Variants in IGF1 observed in about 807,000 individuals in gnomAD.
IGF1 encodes the protein insulin like growth factor 1.
Under a neutral mutation model 13.8 loss-of-function variants are expected in IGF1, and 4 were observed. That is an observed-to-expected ratio of 0.29 (90% CI 0.14 to 0.66). The LOEUF is 0.66. Among genes scored for constraint, IGF1 ranks in the 30% least tolerant of loss-of-function variants. The probability of loss-of-function intolerance (pLI) is 0.78; values close to 1 mark genes in which losing one functional copy is unlikely to be tolerated. For synonymous variants in IGF1, 76 were observed against 72.6 expected (o/e 1.05, Z -0.23); for missense variants, 124 against 188.5 (o/e 0.66, Z 2.00).
At chr12:102,480,572 A>G, upstream of IGF1, 2 of 1,436,764 alleles carry the variant, frequency 1.4e-6, no homozygotes, top group Non-Finnish European at 1.8e-6. Context: ...AGAGGGATTT[A>G]GAGAAAATCC....
intron 2 of IGF1, among the ~76,000 whole-genome samples, chr12:102,449,858 G>T (rs1213964529): frequency 6.6e-6 from 1 of 151,928 alleles, no homozygotes; most frequent in Non-Finnish European, 1.5e-5. Flanking sequence ...TCTAAGCCTT[G>T]TCATATTATA....
At chr12:102,433,681 C>G (rs1876945898) in intron 2 of IGF1, among the ~76,000 whole-genome samples, 1 of 152,150 alleles carries the variant, frequency 6.6e-6, no homozygotes, top group Non-Finnish European at 1.5e-5. Context: ...AAGCACTACA[C>G]TGGGCATTTG....
chr12:102,407,094 C>CAAAAAAAAAAAAAAAAAAAAAAA (rs57468885), intron 3 of IGF1, among the ~76,000 whole-genome samples: 2 of 100,982 alleles, frequency 2.0e-5, no homozygotes, highest in Non-Finnish European at 3.8e-5. Flanking sequence ...ACTCTGTCTC[C>CAAAAAAAAAAAAAAAAAAAAAAA]AAAAAAAAAA....
chr12:102,436,866 T>G (rs1479071610), intron 2 of IGF1, among the ~76,000 whole-genome samples: 1 of 152,206 alleles, frequency 6.6e-6, no homozygotes, highest in Non-Finnish European at 1.5e-5. Context: ...TTCTGAGCCC[T>G]TCTGATGAGA....
intron 3 of IGF1, among the ~76,000 whole-genome samples, chr12:102,417,027 G>A (rs572277733): frequency 6.6e-6 from 1 of 152,288 alleles, no homozygotes; most frequent in East Asian, 1.9e-4. Flanking sequence ...TACAAGCCGA[G>A]GGGAGGAGCC....
rs527469297 is a variant in IGF1 at position 102,477,194 on chromosome 12, A to G, written c.64-1395T>C. 1.2e-4 allele frequency among the ~76,000 whole-genome samples: 18 copies of G among 151,698 alleles called. No individual in the cohort carries two copies. The East Asian group carries it at 2.9e-3, about 25-fold the overall frequency. On this transcript the variant is annotated intron_variant, in intron 1 of 3. Coordinates refer to ENST00000337514, the MANE Select transcript of IGF1 (RefSeq NM_000618.5). ...CATGGACTCTCAATTTAGTGGCTCT[A>G]TATCAGTGGCAAAATTTTCCCCATC...
chr12:102,430,622 A>T (rs1303724855), intron 2 of IGF1, among the ~76,000 whole-genome samples: 1 of 152,224 alleles, frequency 6.6e-6, no homozygotes, highest in Non-Finnish European at 1.5e-5. Flanking sequence ...GAATTTTAGT[A>T]AAAAGCAGGC....
At chr12:102,430,688 T>C (rs1179194512) in intron 2 of IGF1, among the ~76,000 whole-genome samples, 1 of 152,232 alleles carries the variant, frequency 6.6e-6, no homozygotes, top group Non-Finnish European at 1.5e-5. Context: ...TTATTTTTCT[T>C]CTCAAACGAC....
intron 2 of IGF1, among the ~76,000 whole-genome samples, chr12:102,469,573 A>G (rs1404333273): frequency 1.3e-5 from 2 of 152,142 alleles, no homozygotes; most frequent in Non-Finnish European, 2.9e-5. Context: ...TCCAGAAGCT[A>G]AAATATAGGG....
At chr12:102,426,896 T>C (rs185802879) in intron 2 of IGF1, among the ~76,000 whole-genome samples, 2 of 152,368 alleles carry the variant, frequency 1.3e-5, no homozygotes, top group East Asian at 1.9e-4. Flanking sequence ...CCTTTCCTCT[T>C]CTGCTACTGA....
intron 2 of IGF1, among the ~76,000 whole-genome samples, chr12:102,426,342 G>A (rs1443781132): frequency 6.6e-6 from 1 of 152,200 alleles, no homozygotes; most frequent in Non-Finnish European, 1.5e-5. Flanking sequence ...AAAGTGTTTT[G>A]CACAATGGCT....
chr12:102,469,897 A>G (rs561741778), intron 2 of IGF1, among the ~76,000 whole-genome samples: 1 of 152,134 alleles, frequency 6.6e-6, no homozygotes, highest in African/African-American at 2.4e-5. Flanking sequence ...TAAATATACT[A>G]GATAAACATA....
intron 2 of IGF1, among the ~76,000 whole-genome samples, chr12:102,441,939 T>TCTCCTTCTCCTTCTCCTTCTC (rs1877836980): frequency 2.9e-5 from 4 of 136,880 alleles, no homozygotes; most frequent in Admixed American, 2.4e-4. Flanking sequence ...TTCTTCTTCT[T>TCTCCTTCTCCTTCTCCTTCTC]CTTCTTCTTC....
At chr12:102,427,740 G>C (rs1876336121) in intron 2 of IGF1, among the ~76,000 whole-genome samples, 1 of 152,198 alleles carries the variant, frequency 6.6e-6, no homozygotes, top group South Asian at 2.1e-4. Flanking sequence ...ACTGTTGGAA[G>C]ACAGCCTCTA....
At chr12:102,417,645 C>T in intron 3 of IGF1, 1 of 1,365,686 alleles carries the variant, frequency 7.3e-7, no homozygotes, top group Non-Finnish European at 9.4e-7. Context: ...TCCGTTTTCT[C>T]CATGTTTCTT....
At chr12:102,449,624 A>G (rs1440941269) in intron 2 of IGF1, among the ~76,000 whole-genome samples, 9 of 147,272 alleles carry the variant, frequency 6.1e-5, no homozygotes, top group Non-Finnish European at 7.5e-5. Flanking sequence ...TTTGTTCCCC[A>G]TCCCGCCCCC....
intron 2 of IGF1, among the ~76,000 whole-genome samples, chr12:102,421,930 T>C (rs1592756248): frequency 6.6e-6 from 1 of 152,316 alleles, no homozygotes; most frequent in East Asian, 1.9e-4. Flanking sequence ...GTTTCTATGA[T>C]TGTATATTCA....
intron 3 of IGF1, among the ~76,000 whole-genome samples, chr12:102,405,999 C>T (rs939906789): frequency 3.3e-5 from 5 of 152,246 alleles, no homozygotes; most frequent in African/African-American, 9.6e-5. Context: ...TGGTCTGTTT[C>T]TTCTGGGTCT....
intron 2 of IGF1, among the ~76,000 whole-genome samples, chr12:102,432,246 A>G (rs1271153278): frequency 2.0e-5 from 3 of 152,212 alleles, no homozygotes; most frequent in African/African-American, 7.2e-5. Flanking sequence ...AAACTGCAGA[A>G]TATTTTACTG....
Sources: allele counts gnomAD v4.1 joint callset (sites outside exome capture counted in the v4.1 genomes callset), GRCh38; gene constraint gnomAD v4.1.1; transcripts MANE v1.5; gene names NCBI Gene and HGNC (gene_info 2026-07-23, HGNC 2026-07-21).